RAP1GAP: variants seen among roughly 807,000 people sequenced by gnomAD.
The protein encoded by RAP1GAP is rap1 GTPase-activating protein 1.
A neutral mutation model predicts 87.2 loss-of-function variants in RAP1GAP; 35 were observed. That is an observed-to-expected ratio of 0.40 (90% CI 0.31 to 0.53). RAP1GAP has a LOEUF of 0.53. Ranked by LOEUF, RAP1GAP falls within the 20% of genes least tolerant of loss-of-function variation. The probability of loss-of-function intolerance (pLI) is 0.48; values close to 1 mark genes in which losing one functional copy is unlikely to be tolerated. For missense variants in RAP1GAP, 734 were observed against 898.9 expected (o/e 0.82, Z 2.35); for synonymous variants, 375 against 363.9 (o/e 1.03, Z -0.35).
rs199850351 is a variant in RAP1GAP, at chr1:21,613,617, G to T, written c.474+11C>A. ...GCCAGCCCGGGAAGCTCAGCGGAGC[G>T]GAGACCTCACCTTTGCCATCTGGAC... On this transcript the variant is annotated intron_variant, in intron 9 of 24. Coordinates refer to ENST00000374765, the MANE Select transcript of RAP1GAP (RefSeq NM_002885.4). The surrounding 1 kb of genome is among the most constrained non-coding windows in gnomAD (Gnocchi z 4.7). The T allele has an allele frequency of 5.0e-6, 8 of 1,607,518 alleles. No individual in the cohort carries two copies. In the Admixed American group the frequency reaches 1.3e-4, roughly 27 times the overall value.
chr1:21,632,524 G>C lies in RAP1GAP; in HGVS notation c.-112-6127C>G, dbSNP rs529066907. ...CCTCAAAGTCAGCCAATAAGGCCGT[G>C]AGCAGCAGATCAGGGATAAGAACAC... is the stretch of plus-strand genomic sequence containing the variant. On this transcript the variant is annotated intron_variant, in intron 2 of 24. Coordinates refer to ENST00000374765, the MANE Select transcript of RAP1GAP (RefSeq NM_002885.4). Among the ~76,000 whole-genome samples the C allele has an allele frequency of 1.1e-4, 16 of 152,280 alleles. 1 individual carries two copies. The South Asian group carries it at 2.9e-3, about 28-fold the overall frequency.
chr1:21,633,440 A>T (rs2094151784), intron 2 of RAP1GAP, among the ~76,000 whole-genome samples: 1 of 152,150 alleles, frequency 6.6e-6, no homozygotes, highest in Non-Finnish European at 1.5e-5. Context: ...TGAACCATTG[A>T]TGCTTTGAAA....
chr1:21,607,031 G>A (rs2075126017), intron 17 of RAP1GAP, among the ~76,000 whole-genome samples: 1 of 152,236 alleles, frequency 6.6e-6, no homozygotes. Flanking sequence ...TTCCTGGGCA[G>A]GCCTGGGCAG....
chr1:21,644,719 G>A lies in RAP1GAP; in HGVS notation c.-113+5042C>T, dbSNP rs192399905. ...TCGAAACCAGCCTGGCCAAGATGGT[G>A]AAACCCCATCTCTACTAAAAATACA... On this transcript the variant is annotated intron_variant, in intron 2 of 24. Coordinates refer to ENST00000374765, the MANE Select transcript of RAP1GAP (RefSeq NM_002885.4). Among the ~76,000 whole-genome samples the A allele has an allele frequency of 3.9e-5, 6 of 152,126 alleles. No individual in the cohort carries two copies. In the East Asian group the frequency reaches 1.2e-3, roughly 29 times the overall value.
In RAP1GAP at chr1:21,610,111, A is replaced by G. The variant is rs374622263; in HGVS notation, c.999+9T>C. The G allele has an allele frequency of 1.9e-5, 31 of 1,613,054 alleles. No homozygotes were observed. In the African/African-American group the frequency reaches 4.1e-4, roughly 22 times the overall value. ...GCTGATGCCCCTGGGAGGCTCCAAG[A>G]GCGCCCACCTTGTAGAGGGGGCCAT... On this transcript the variant is annotated intron_variant, in intron 14 of 24. Coordinates refer to ENST00000374765, the MANE Select transcript of RAP1GAP (RefSeq NM_002885.4).
intron 2 of RAP1GAP, among the ~76,000 whole-genome samples, chr1:21,627,485 G>A (rs1216037571): frequency 6.8e-6 from 1 of 147,402 alleles, no homozygotes; most frequent in Non-Finnish European, 1.5e-5. Context: ...GCTTGATCTC[G>A]GCTCACTGCA....
At chr1:21,648,001 C>G (rs911919739) in intron 2 of RAP1GAP, among the ~76,000 whole-genome samples, 5 of 152,162 alleles carry the variant, frequency 3.3e-5, no homozygotes, top group Admixed American at 3.3e-4. Flanking sequence ...GCCAGGAGAT[C>G]ATGATTAATG....
intron 2 of RAP1GAP, among the ~76,000 whole-genome samples, chr1:21,642,248 C>T (rs78915636): frequency 0.047 from 7,095 of 152,338 alleles, 203 homozygotes; most frequent in African/African-American, 0.063. Flanking sequence ...AGTCTACACA[C>T]CAAGCGCAAT....
chr1:21,597,342 C>T (rs1486074889), intron 24 of RAP1GAP, 78 bp from the exon 25 acceptor site: 3 of 255,384 alleles, frequency 1.2e-5, no homozygotes, highest in Non-Finnish European at 2.3e-5. Flanking sequence ...CCAACTCTGC[C>T]AAGTCCCTGC....
intron 1 of RAP1GAP, among the ~76,000 whole-genome samples, chr1:21,662,674 G>T (rs896693314): frequency 6.6e-6 from 1 of 151,828 alleles, no homozygotes; most frequent in African/African-American, 2.4e-5. Flanking sequence ...GCCCAGAATT[G>T]CTCCCATTAC....
chr1:21,649,792 C>A lies in RAP1GAP; in HGVS notation c.-144G>T. 1 of 1,552,232 alleles carries A rather than the reference C, an allele frequency of 6.4e-7. No individual in the cohort carries two copies. Among genetic ancestry groups the A allele is most frequent in the Non-Finnish European group, 8.7e-7 (1 of 1,147,324 alleles). On this transcript the variant is annotated 5_prime_UTR_variant, in exon 2 of 25. Transcript: ENST00000374765. Reference sequence around the variant, plus strand: ...CTCCGGCGAGAAGTGAAGGACTTGTCCACCCTGAAACACAACAAGAGGGGC... The same window carrying A: ...CTCCGGCGAGAAGTGAAGGACTTGTACACCCTGAAACACAACAAGAGGGGC...
chr1:21,610,912 G>A lies in RAP1GAP; in HGVS notation c.843+540C>T, dbSNP rs556261564. Among the ~76,000 whole-genome samples the A allele has an allele frequency of 3.4e-4, 52 of 152,300 alleles. No individual in the cohort carries two copies. The Middle Eastern group carries it at 0.01, about 30-fold the overall frequency. ...TCCCCCTGGGCTGGGGACCTGACTG[G>A]GAAGGCAGATAGCCCTGTAGGAGGC... On this transcript the variant is annotated intron_variant, in intron 13 of 24. Coordinates refer to ENST00000374765, the MANE Select transcript of RAP1GAP (RefSeq NM_002885.4).
At chr1:21,656,429 A>C (rs11578014) in intron 1 of RAP1GAP, among the ~76,000 whole-genome samples, 31,400 of 142,434 alleles carry the variant, frequency 0.22, 4,446 homozygotes, top group African/African-American at 0.25. Context: ...AAAAAAAAAA[A>C]AAAAAAAAAA....
chr1:21,620,200 G>T, intron 3 of RAP1GAP, 150 bp from the exon 4 acceptor site: 1 of 789,874 alleles, frequency 1.3e-6, no homozygotes, highest in Non-Finnish European at 2.1e-6. Context: ...GGAGCATCGT[G>T]GGAGGGGGTT....
Position 21,609,897 on chromosome 1 carries a change from G to A in RAP1GAP, c.999+223C>T, listed in dbSNP as rs2077150906. 6.6e-6 allele frequency among the ~76,000 whole-genome samples: 1 copy of A among 152,200 alleles called. No homozygotes were observed. The highest frequency in any genetic ancestry group is 2.4e-5 in the African/African-American group (1 of 41,444). ...GCAGAGGAGGCTACGGGAGGTGGAG[G>A]ACAGTGATACCAGGCCAGGAGGCAG... On this transcript the variant is annotated intron_variant, in intron 14 of 24. Coordinates refer to ENST00000374765, the MANE Select transcript of RAP1GAP (RefSeq NM_002885.4). This position sits in a 1 kb window ranked among gnomAD's most constrained non-coding sequence, Gnocchi z 4.4.
intron 2 of RAP1GAP, among the ~76,000 whole-genome samples, chr1:21,639,575 T>C (rs2095303491): frequency 6.6e-6 from 1 of 152,236 alleles, no homozygotes; most frequent in South Asian, 2.1e-4. Context: ...GCAGGGCTGC[T>C]GAGAGCATTA....
intron 2 of RAP1GAP, among the ~76,000 whole-genome samples, chr1:21,628,400 TAAAAAAAAAAAAAAAAA>T (rs528098037): frequency 1.9e-5 from 1 of 52,436 alleles, no homozygotes; most frequent in Non-Finnish European, 3.1e-5. Flanking sequence ...CCATCTCTAC[TAAAAAAAAAAAAAAAAA>T]AAAAAAAAAA....
intron 1 of RAP1GAP, chr1:21,651,665 G>A (rs1288503672): frequency 9.1e-6 from 10 of 1,104,740 alleles, no homozygotes; most frequent in Non-Finnish European, 1.3e-5. Context: ...CCCCACAGCA[G>A]TCATAGCCCA....
In RAP1GAP at chr1:21,613,519, G is replaced by C. The variant is rs897422744; in HGVS notation, c.474+109C>G. On this transcript the variant is annotated intron_variant, in intron 9 of 24. Transcript: ENST00000374765. The surrounding 1 kb of genome is among the most constrained non-coding windows in gnomAD (Gnocchi z 4.7). ...AGACAGCCTCAGGATAGGGCGGCAG[G>C]CCAGGGCTAGGGCCTACAGCTGAAG... The C allele has an allele frequency of 2.8e-6, 3 of 1,079,498 alleles. No homozygotes were observed. The African/African-American group carries it at 4.7e-5, about 17-fold the overall frequency. The allele number at this position is 1,079,498 out of a possible 1,614,324, so 66.9% of individuals were successfully genotyped here. A position where few individuals can be genotyped will look rare whatever the true frequency, so the allele number is the denominator to read the frequency against.
Sources: gnomAD v4.1 joint callset for allele counts (sites outside exome capture counted in the v4.1 genomes callset) on GRCh38, gnomAD v4.1.1 for gene constraint, Gnocchi (gnomAD v3.1) non-coding constraint, MANE v1.5 for transcripts, NCBI Gene and HGNC (gene_info 2026-07-23, HGNC 2026-07-21) for gene names.